The following AFP variants were observed in gnomAD, a reference collection of about 807,000 sequenced individuals.
AFP encodes the protein alpha-fetoprotein.
In AFP, 64 loss-of-function variants were observed where a neutral mutation model predicts 78.9. That is an observed-to-expected ratio of 0.81 (90% CI 0.66 to 1.00). AFP has a LOEUF of 1.00. AFP is among the 50% of genes least tolerant of loss of function. AFP has a pLI of 0.00. For synonymous variants in AFP, 254 were observed against 243.8 expected (o/e 1.04, Z -0.39); for missense variants, 689 against 703.8 (o/e 0.98, Z 0.24).
At position 73,444,819 on chromosome 4, in the gene AFP, C is replaced by T. The variant is rs181211667; in HGVS notation, c.714-174C>T. On this transcript the variant is annotated intron_variant, in intron 6 of 14. Coordinates refer to ENST00000395792, the MANE Select transcript of AFP (RefSeq NM_001134.3). ...AGCTCACAGTTTACAGAGCTACCAC[C>T]TTGAAAGATATGGCTGGAATCAAGC... Among the ~76,000 whole-genome samples the T allele has an allele frequency of 4.9e-3, 746 of 152,248 alleles. 4 individuals carry two copies. The highest frequency in any genetic ancestry group is 0.017 in the African/African-American group (719 of 41,534).
At position 73,442,323 on chromosome 4, in the gene AFP, T is replaced by C. The variant is rs2149333855; in HGVS notation, c.510T>C (p.His170=). 6.2e-7 allele frequency: 1 copy of C among 1,613,928 alleles called. No homozygotes were observed. The highest frequency in any genetic ancestry group is 2.2e-5 in the East Asian group (1 of 44,860). The change falls in exon 5 of 15, where the codon CAT becomes CAC. Residue 170 remains histidine (H), a synonymous_variant. Transcript: ENST00000395792. Reference sequence around the variant, plus strand: ...TCATTTATGAGATAGCAAGAAGGCATCCCTTCCTGTATGCACCTACAATTC... The same window carrying C: ...TCATTTATGAGATAGCAAGAAGGCACCCCTTCCTGTATGCACCTACAATTC... ...NKFIYEIARR[H]PFLYAPTILL... is the part of the protein sequence containing the mutation.
At chr4:73,438,110 A>G in intron 2 of AFP, 64 bp from the exon 3 acceptor site, 2 of 1,596,500 alleles carry the variant, frequency 1.3e-6, no homozygotes, top group South Asian at 1.1e-5. Context: ...GAAAAACTAT[A>G]CTTGAGAAAA....
intron 1 of AFP, 53 bp from the exon 2 acceptor site, chr4:73,437,107 C>T: frequency 7.5e-7 from 1 of 1,331,454 alleles, no homozygotes; most frequent in South Asian, 1.2e-5. Flanking sequence ...ACAATGATTA[C>T]TTTCTTGGTT....
chr4:73,450,114 G>T lies in AFP; in HGVS notation c.1270G>T (p.Glu424Ter). 1.2e-6 allele frequency: 2 copies of T among 1,612,380 alleles called. No individual in the cohort carries two copies. The highest frequency in any genetic ancestry group is 1.7e-6 in the Non-Finnish European group (2 of 1,178,654). ...RSCGLFQKLGEYYLQNAFLVA... is the reference protein window; with the variant it reads ...RSCGLFQKLG ...CTGCGGCCTCTTCCAGAAACTAGGAGAATATTACTTACAAAATGCGTATGT... is the reference window on the plus strand; with the variant it reads ...CTGCGGCCTCTTCCAGAAACTAGGATAATATTACTTACAAAATGCGTATGT... Residue 424 changes from glutamate to a stop codon, truncating the protein, a stop_gained, in exon 10 of 15, where the codon GAA becomes TAA. Coordinates refer to ENST00000395792, the MANE Select transcript of AFP (RefSeq NM_001134.3). LOFTEE classifies it high-confidence loss of function.
chr4:73,451,100 ATACT>A (rs772143327), intron 11 of AFP, among the ~76,000 whole-genome samples: 2 of 152,370 alleles, frequency 1.3e-5, no homozygotes, highest in East Asian at 1.9e-4. Context: ...TTTTGTTCAT[ATACT>A]TACTTTGATG....
At position 73,449,485 on chromosome 4, in the gene AFP, T is replaced by C; in HGVS notation, c.1191+18T>C. On this transcript the variant is annotated intron_variant, in intron 9 of 14. Transcript: ENST00000395792. ...ATAAAGGAGTAAGTTGCTCTAGAATTTTAGGGGAGTATGAAAAACTGGATT... is the reference window on the plus strand; with the variant it reads ...ATAAAGGAGTAAGTTGCTCTAGAATCTTAGGGGAGTATGAAAAACTGGATT... 1 of 1,613,084 alleles carries C rather than the reference T, an allele frequency of 6.2e-7. No individual in the cohort carries two copies.
chr4:73,455,317 ATACAATGT>A, intron 14 of AFP, 27 bp downstream of exon 14: 1 of 1,557,946 alleles, frequency 6.4e-7, no homozygotes, highest in Non-Finnish European at 8.9e-7. Context: ...ACAAGCCTGA[ATACAATGT>A]TGTTTCTCCA....
intron 12 of AFP, among the ~76,000 whole-genome samples, 192 bp downstream of exon 12, chr4:73,452,816 T>C (rs4235118): frequency 0.98 from 149,294 of 152,262 alleles, 73,265 homozygotes; most frequent in Non-Finnish European, 1. Context: ...CTAGAAAAAT[T>C]GACGAGGGTG....
chr4:73,451,151 G>T (rs1473731196), intron 11 of AFP, among the ~76,000 whole-genome samples: 1 of 152,056 alleles, frequency 6.6e-6, no homozygotes, highest in Non-Finnish European at 1.5e-5. Flanking sequence ...ATTAAAATTA[G>T]TCATGCTATT....
intron 3 of AFP, among the ~76,000 whole-genome samples, chr4:73,439,320 A>G (rs1275877110): frequency 1.3e-5 from 2 of 152,314 alleles, no homozygotes; most frequent in Admixed American, 6.5e-5. Flanking sequence ...CTGGAATATC[A>G]TAGAAGAGAT....
At chr4:73,442,737 G>A (rs767704153) in intron 5 of AFP, among the ~76,000 whole-genome samples, 2 of 149,166 alleles carry the variant, frequency 1.3e-5, no homozygotes, top group Admixed American at 6.9e-5. Context: ...GAAAGAAAAC[G>A]GAGAAAAGGA....
At chr4:73,453,741 A>ATTTTG in intron 12 of AFP, 24 bp from the exon 13 acceptor site, 1 of 1,611,758 alleles carries the variant, frequency 6.2e-7, no homozygotes. Flanking sequence ...CTTCTCTTGT[A>ATTTTG]TTTTGTTTTG....
intron 8 of AFP, 47 bp downstream of exon 8, chr4:73,447,723 G>A (rs764367524): frequency 4.1e-6 from 6 of 1,461,500 alleles, no homozygotes; most frequent in Admixed American, 3.4e-5. Context: ...AAATGATTAT[G>A]TGGCTGACAG....
At chr4:73,446,318 A>AT (rs751901254) in intron 7 of AFP, among the ~76,000 whole-genome samples, 5 of 152,202 alleles carry the variant, frequency 3.3e-5, no homozygotes, top group Non-Finnish European at 7.3e-5. Context: ...TCTCGTTGTC[A>AT]TTTTTAAAAA....
rs756442974 is a variant in AFP, at chr4:73,447,599, T to A, written c.981T>A (p.Ser327=). 1 of 1,612,284 alleles carries A rather than the reference T, an allele frequency of 6.2e-7. No homozygotes were observed. Among genetic ancestry groups the A allele is most frequent in the Non-Finnish European group, 8.5e-7 (1 of 1,179,714 alleles). ...AENDEKPEGL[S]PNLNRFLGDR... is the part of the protein sequence containing the mutation. Reference sequence around the variant, plus strand: ...ATGATGAAAAACCTGAAGGTCTATCTCCAAATCTAAACAGGTTTTTAGGAG... The same window carrying A: ...ATGATGAAAAACCTGAAGGTCTATCACCAAATCTAAACAGGTTTTTAGGAG... The change falls in exon 8 of 15, where the codon TCT becomes TCA. Residue 327 remains serine, a synonymous_variant. Coordinates refer to ENST00000395792, the MANE Select transcript of AFP (RefSeq NM_001134.3).
intron 2 of AFP, 89 bp from the exon 3 acceptor site, chr4:73,438,085 A>G: frequency 6.4e-7 from 1 of 1,557,412 alleles, no homozygotes; most frequent in Non-Finnish European, 8.8e-7. Context: ...TAAATAGAAA[A>G]CAAAACAAAC....
At chr4:73,449,200 C>A (rs557363224) in intron 8 of AFP, 135 bp from the exon 9 acceptor site, 1 of 798,876 alleles carries the variant, frequency 1.3e-6, no homozygotes, top group Non-Finnish European at 2.0e-6. Flanking sequence ...TAATTCAAAT[C>A]ATATTTGATT....
intron 2 of AFP, 137 bp downstream of exon 2, chr4:73,437,348 T>C (rs1719537704): frequency 8.7e-6 from 6 of 689,552 alleles, no homozygotes; most frequent in African/African-American, 1.8e-5. Context: ...TTACTCATAC[T>C]GAATATCAAC....
Position 73,436,280 on chromosome 4 carries a change from A to G in AFP, c.18A>G (p.Ser6=). Residue 6 remains serine (S), a synonymous_variant, in exon 1 of 15, where the codon TCA becomes TCG. Transcript: ENST00000395792. MKWVE[S]IFLIFLLNFT... is the part of the protein sequence containing the mutation. ...TAGCAACCATGAAGTGGGTGGAATC[A>G]ATTTTTTTAATTTTCCTACTAAATT... is the stretch of plus-strand genomic sequence containing the variant. 1.2e-6 allele frequency: 2 copies of G among 1,601,854 alleles called. No homozygotes were observed. The highest frequency in any genetic ancestry group is 1.7e-6 in the Non-Finnish European group (2 of 1,170,294).
Sources: allele counts gnomAD v4.1 joint callset (sites outside exome capture counted in the v4.1 genomes callset), GRCh38; gene constraint gnomAD v4.1.1; transcripts MANE v1.5; gene names NCBI Gene and HGNC (gene_info 2026-07-23, HGNC 2026-07-21).